CRYBG1: variants seen among roughly 807,000 people sequenced by gnomAD.
CRYBG1 encodes the protein crystallin beta-gamma domain containing 1.
A neutral mutation model predicts 189.2 loss-of-function variants in CRYBG1; 139 were observed. The ratio of observed to expected loss-of-function variants is 0.73; its 90% confidence interval spans 0.64 to 0.85. The LOEUF is 0.85. Ranked by LOEUF, CRYBG1 falls within the 40% of genes least tolerant of loss-of-function variation. The pLI, the probability that CRYBG1 is intolerant of heterozygous loss-of-function variation, is 0.00. For missense variants in CRYBG1, 2,611 were observed against 2,675.8 expected, an observed-to-expected ratio of 0.98 and a Z score of 0.53; for synonymous variants, 1,023 against 1,017.1, an observed-to-expected ratio of 1.01 and a Z score of -0.11.
chr6:106,448,192 C>T (rs1435393139), intron 1 of CRYBG1, among the ~76,000 whole-genome samples: 1 of 152,196 alleles, frequency 6.6e-6, no homozygotes, highest in African/African-American at 2.4e-5. Flanking sequence ...CTGGAGCAAA[C>T]TGTGAAATCA....
At chr6:106,377,038 G>T (rs1488967228) in intron 1 of CRYBG1, among the ~76,000 whole-genome samples, 1 of 152,140 alleles carries the variant, frequency 6.6e-6, no homozygotes, top group African/African-American at 2.4e-5. Context: ...GAACACCTGT[G>T]CTTAAAAGGC....
intron 1 of CRYBG1, among the ~76,000 whole-genome samples, chr6:106,386,576 C>T (rs1484909357): frequency 6.6e-6 from 1 of 152,150 alleles, no homozygotes; most frequent in Non-Finnish European, 1.5e-5. Flanking sequence ...TGCACCTGCT[C>T]CCCAGTGCGT....
At chr6:106,489,355 A>C (rs1164592321) in intron 2 of CRYBG1, among the ~76,000 whole-genome samples, 3 of 151,918 alleles carry the variant, frequency 2.0e-5, no homozygotes, top group Non-Finnish European at 4.4e-5. Context: ...CATCTTGCTG[A>C]TGTCACTCTC....
rs745340305 is a variant in CRYBG1 at position 106,521,358 on chromosome 6, T to C, written c.4150T>C (p.Cys1384Arg). The change falls in exon 4 of 22, where the codon TGT becomes CGT. Residue 1384 changes from cysteine to arginine, a missense_variant. This residue lies in a region of CRYBG1 where 1,622 missense variants were observed against 1,735.0 expected (regional missense o/e 0.93). Transcript: ENST00000633556. ...ESVIKSNLPN[C>R]ANSDTDFMGL... ...TGTTATTAAATCAAACTTGCCAAAC[T>C]GTGCAAACAGTGACACCGACTTCAT... 2 of 1,614,140 alleles carry C rather than the reference T, an allele frequency of 1.2e-6. No individual in the cohort carries two copies. The highest frequency in any genetic ancestry group is 1.7e-6 in the Non-Finnish European group (2 of 1,180,008).
intron 3 of CRYBG1, among the ~76,000 whole-genome samples, chr6:106,518,742 G>A (rs1348437387): frequency 2.0e-5 from 3 of 152,178 alleles, no homozygotes; most frequent in African/African-American, 7.2e-5. Context: ...AGGATTGCTT[G>A]AAGCCAGGAG....
At chr6:106,445,116 A>G (rs6928410) in intron 1 of CRYBG1, among the ~76,000 whole-genome samples, 50,107 of 152,060 alleles carry the variant, frequency 0.33, 8,635 homozygotes, top group Middle Eastern at 0.47. Context: ...TAGATGGCAG[A>G]GTTTCTGCAT....
At chr6:106,366,746 G>C (rs1772007455) in intron 1 of CRYBG1, among the ~76,000 whole-genome samples, 1 of 152,234 alleles carries the variant, frequency 6.6e-6, no homozygotes, top group South Asian at 2.1e-4. Context: ...AAAGCACCCA[G>C]CACAGGGCTT....
At chr6:106,445,291 TGAGA>T (rs1047514246) in intron 1 of CRYBG1, among the ~76,000 whole-genome samples, 2 of 152,236 alleles carry the variant, frequency 1.3e-5, no homozygotes, top group African/African-American at 4.8e-5. Flanking sequence ...ACTCATCTAC[TGAGA>T]ATTTAAAATT....
In CRYBG1 at chr6:106,571,144, A is replaced by T. The variant is rs932894888; in HGVS notation, c.*2578A>T. ...AGGCCTAATCCTTATGCAAGATGTA[A>T]GGGTTTTAAAAAGTTAGAAACTCTG... On this transcript the variant is annotated 3_prime_UTR_variant, in exon 22 of 22. Coordinates refer to ENST00000633556, the MANE Select transcript of CRYBG1 (RefSeq NM_001371242.2). 7 of 152,216 alleles carry T rather than the reference A, an allele frequency of 4.6e-5. No individual in the cohort carries two copies. Among genetic ancestry groups the T allele is most frequent in the African/African-American group, 1.7e-4 (7 of 41,452 alleles). 9.4% of individuals were successfully genotyped at this position (152,216 alleles called of 1,614,324 possible).
chr6:106,471,986 T>C (rs1485408972), intron 2 of CRYBG1, among the ~76,000 whole-genome samples: 1 of 152,208 alleles, frequency 6.6e-6, no homozygotes, highest in African/African-American at 2.4e-5. Flanking sequence ...AAAACTTCAC[T>C]GATTGAGATA....
rs200251504 is a variant in CRYBG1, at chr6:106,361,969, CTT to C, written c.173+904_173+905del. Reference sequence around the variant, plus strand: ...TGGTTTTCCTTTTATTTCTTTCTTTCTTTTTTTTTTTTTTTTTCTGAGACGGA... The same window carrying C: ...TGGTTTTCCTTTTATTTCTTTCTTTCTTTTTTTTTTTTTTTCTGAGACGGA... On this transcript the variant is annotated intron_variant, in intron 1 of 21. Coordinates refer to ENST00000633556, the MANE Select transcript of CRYBG1 (RefSeq NM_001371242.2). Among the ~76,000 whole-genome samples, 151 of 112,346 alleles carry C rather than the reference CTT, an allele frequency of 1.3e-3. 5 individuals are homozygous for C. The East Asian group carries it at 0.028, about 21-fold the overall frequency. The allele number at this position is 112,346 out of a possible 152,430, so 73.7% of individuals were successfully genotyped here.
chr6:106,449,873 T>C (rs1367563447), intron 1 of CRYBG1, among the ~76,000 whole-genome samples: 2 of 152,230 alleles, frequency 1.3e-5, no homozygotes, highest in East Asian at 3.8e-4. Flanking sequence ...AAGAAATATA[T>C]TGCTGCTAAT....
intron 2 of CRYBG1, among the ~76,000 whole-genome samples, chr6:106,464,143 G>A (rs1008442029): frequency 9.2e-5 from 14 of 152,258 alleles, no homozygotes; most frequent in East Asian, 1.9e-4. Flanking sequence ...GGTCTTCTCC[G>A]TAGACACTGG....
chr6:106,428,645 T>A (rs746160118), intron 1 of CRYBG1, among the ~76,000 whole-genome samples: 3 of 152,210 alleles, frequency 2.0e-5, no homozygotes, highest in Non-Finnish European at 4.4e-5. Context: ...AGAGAAAGTA[T>A]CTTGCCTAAG....
At chr6:106,452,760 T>G (rs1331970529) in intron 2 of CRYBG1, among the ~76,000 whole-genome samples, 3 of 152,194 alleles carry the variant, frequency 2.0e-5, no homozygotes, top group African/African-American at 7.2e-5. Flanking sequence ...GATAGAGAAA[T>G]GTACTCATGT....
At chr6:106,370,106 C>A (rs760072656) in intron 1 of CRYBG1, among the ~76,000 whole-genome samples, 1 of 151,918 alleles carries the variant, frequency 6.6e-6, no homozygotes, top group African/African-American at 2.4e-5. Flanking sequence ...ACAATTTCTA[C>A]GTTAAATAGT....
chr6:106,519,782 A>G lies in CRYBG1; in HGVS notation c.2574A>G (p.Thr858=). Reference sequence around the variant, plus strand: ...CGGCCATGCCAAAGCCACAGCATACATTTTCTGACTCACAGTCCCCTGCTG... The same window carrying G: ...CGGCCATGCCAAAGCCACAGCATACGTTTTCTGACTCACAGTCCCCTGCTG... ...PPTAMPKPQH[T]FSDSQSPAES... Residue 858 remains threonine (T), a synonymous_variant, in exon 4 of 22, where the codon ACA becomes ACG. Transcript: ENST00000633556. The G allele has an allele frequency of 2.5e-6, 4 of 1,613,940 alleles. No individual in the cohort carries two copies. Among genetic ancestry groups the G allele is most frequent in the Non-Finnish European group, 3.4e-6 (4 of 1,179,984 alleles).
chr6:106,556,214 C>T (rs899997257), intron 17 of CRYBG1, among the ~76,000 whole-genome samples: 5 of 152,166 alleles, frequency 3.3e-5, no homozygotes, highest in African/African-American at 1.2e-4. Context: ...ACTGCCAGAT[C>T]CCACCACTTG....
Position 106,536,036 on chromosome 6 carries a change from G to T in CRYBG1, c.4719-3367G>T, listed in dbSNP as rs1582824466. On this transcript the variant is annotated intron_variant, in intron 8 of 21. Coordinates refer to ENST00000633556, the MANE Select transcript of CRYBG1 (RefSeq NM_001371242.2). ...CCTGACCTCATGATCCACCCGCCTC[G>T]GCCTCCCAAAGTGCTGGGATTACAG... Among the ~76,000 whole-genome samples, 10 of 145,798 alleles carry T rather than the reference G, an allele frequency of 6.9e-5. 5 individuals carry two copies. Among genetic ancestry groups the T allele is most frequent in the East Asian group, 4.1e-4 (2 of 4,926 alleles).
Sources: gnomAD v4.1 joint callset for allele counts (sites outside exome capture counted in the v4.1 genomes callset) on GRCh38, gnomAD v4.1.1 for gene constraint, gnomAD v4.1.1 regional missense constraint, MANE v1.5 for transcripts, NCBI Gene and HGNC (gene_info 2026-07-23, HGNC 2026-07-21) for gene names.